FAM234A: variants seen among roughly 807,000 people sequenced by gnomAD.
FAM234A encodes the protein family with sequence similarity 234 member A.
In FAM234A, 42 loss-of-function variants were observed where a neutral mutation model predicts 49.1. The observed-to-expected ratio is 0.86, with a 90% CI of 0.67 to 1.11. The LOEUF is 1.11. FAM234A is among the 50% of genes least tolerant of loss of function. The pLI is 0.00. For missense variants in FAM234A, 815 were observed against 745.2 expected (o/e 1.09, Z -1.09); for synonymous variants, 369 against 316.2 (o/e 1.17, Z -1.77).
intron 2 of FAM234A, among the ~76,000 whole-genome samples, chr16:251,634 C>T (rs972876647): frequency 2.0e-5 from 3 of 150,184 alleles, no homozygotes; most frequent in Admixed American, 1.3e-4. Flanking sequence ...CACTCGGACT[C>T]CCAGAGTGCT....
intron 1 of FAM234A, among the ~76,000 whole-genome samples, chr16:241,154 C>G (rs892664858): frequency 6.6e-6 from 1 of 151,892 alleles, no homozygotes; most frequent in Non-Finnish European, 1.5e-5. Flanking sequence ...CTCCTGCGCT[C>G]GAGTGATCTT....
At chr16:264,318 G>A (rs2051606274) in intron 11 of FAM234A, 147 bp downstream of exon 11, 2 of 923,210 alleles carry the variant, frequency 2.2e-6, no homozygotes, top group South Asian at 1.7e-5. Context: ...ATGAGGTGGT[G>A]CAAGCTGAGG....
chr16:268,968 G>T, downstream of FAM234A: 1 of 1,545,946 alleles, frequency 6.5e-7, no homozygotes, highest in Non-Finnish European at 8.8e-7. Flanking sequence ...ACCAGAGAAG[G>T]TGGAGCTCCC....
In FAM234A at chr16:254,611, C is replaced by T. The variant is rs1257956335; in HGVS notation, c.198C>T (p.Val66=). 6.2e-7 allele frequency: 1 copy of T among 1,608,870 alleles called. No individual in the cohort carries two copies. Among genetic ancestry groups the T allele is most frequent in the Non-Finnish European group, 8.5e-7 (1 of 1,177,640 alleles). ...TCTGCCTTTTTGTGGTGTTCGTCGT[C>T]TCATTCGTCATCCCGTGTCCAGACC... ...LFLCLFVVFV[V]SFVIPCPDRP... Residue 66 remains valine, a synonymous_variant, in exon 3 of 13, where the codon GTC becomes GTT. Coordinates refer to ENST00000399932, the MANE Select transcript of FAM234A (RefSeq NM_032039.4).
Position 241,424 on chromosome 16 carries a change from A to C in FAM234A, c.-140+6567A>C, listed in dbSNP as rs543817695. Among the ~76,000 whole-genome samples, 23 of 152,152 alleles carry C rather than the reference A, an allele frequency of 1.5e-4. 1 individual carries two copies. Among genetic ancestry groups the C allele is most frequent in the Admixed American group, 1.4e-3 (22 of 15,254 alleles). On this transcript the variant is annotated intron_variant, in intron 1 of 12. Transcript: ENST00000399932. Reference sequence around the variant, plus strand: ...TAGTGAGGCTCTCATTTCTACAAAAAATTTAAAGATTAGCTGAACAAAAAT... The same window carrying C: ...TAGTGAGGCTCTCATTTCTACAAAACATTTAAAGATTAGCTGAACAAAAAT...
At chr16:243,992 G>A (rs547605033) in intron 1 of FAM234A, among the ~76,000 whole-genome samples, 89 of 149,376 alleles carry the variant, frequency 6.0e-4, no homozygotes, top group Middle Eastern at 6.8e-3. Context: ...TTTTTGAGTC[G>A]GAGTCTTGCT....
In FAM234A at chr16:262,532, C is replaced by A; in HGVS notation, c.950C>A (p.Thr317Asn). The A allele has an allele frequency of 6.2e-7, 1 of 1,608,138 alleles. No individual in the cohort carries two copies. The highest frequency in any genetic ancestry group is 8.5e-7 in the Non-Finnish European group (1 of 1,177,500). Residue 317 changes from threonine (T) to asparagine (N), a missense_variant, in exon 8 of 13, where the codon ACC becomes AAC. Transcript: ENST00000399932. The part of the protein sequence containing the change: ...PHWESMLNAT[T>N]RRMLSHSSGA... Reference sequence around the variant, plus strand: ...TGGGAGAGCATGCTCAATGCCACCACCCGCAGGATGCTTTCCCACAGGTGG... The same window carrying A: ...TGGGAGAGCATGCTCAATGCCACCAACCGCAGGATGCTTTCCCACAGGTGG...
intron 1 of FAM234A, among the ~76,000 whole-genome samples, chr16:241,671 A>C (rs186778651): frequency 0.012 from 1,882 of 152,086 alleles, 113 homozygotes; most frequent in East Asian, 0.094. Flanking sequence ...TAATCCCAGC[A>C]CTTTGGGAGG....
intron 3 of FAM234A, among the ~76,000 whole-genome samples, chr16:258,509 G>T (rs910383248): frequency 6.7e-6 from 1 of 148,806 alleles, no homozygotes; most frequent in East Asian, 2.0e-4. Flanking sequence ...GGCAGAAGAA[G>T]TTTTCTTAGT....
At chr16:236,989 A>G (rs1373574554) in intron 1 of FAM234A, among the ~76,000 whole-genome samples, 1 of 151,920 alleles carries the variant, frequency 6.6e-6, no homozygotes, top group Non-Finnish European at 1.5e-5. Flanking sequence ...CCTGTGCCCA[A>G]GCAACCCTCC....
At chr16:268,724 G>T, downstream of FAM234A, 2 of 1,528,904 alleles carry the variant, frequency 1.3e-6, no homozygotes, top group African/African-American at 1.4e-5. Context: ...GCTCCGGAAG[G>T]CAGTGACCTC....
intron 2 of FAM234A, among the ~76,000 whole-genome samples, chr16:253,596 T>A (rs929280883): frequency 5.3e-5 from 8 of 152,148 alleles, no homozygotes; most frequent in African/African-American, 1.7e-4. Flanking sequence ...AGCCTCAGCC[T>A]CCCAAGTAGC....
intron 3 of FAM234A, among the ~76,000 whole-genome samples, chr16:259,010 T>C (rs2051350501): frequency 1.3e-5 from 2 of 152,192 alleles, no homozygotes; most frequent in Admixed American, 1.3e-4. Flanking sequence ...CTCAATCTCT[T>C]GACCTCGTTA....
chr16:269,464 G>A, downstream of FAM234A: 1 of 1,606,368 alleles, frequency 6.2e-7, no homozygotes, highest in Non-Finnish European at 8.5e-7. Context: ...GCAGCCCCCA[G>A]GCCACAGCCG....
downstream of FAM234A, among the ~76,000 whole-genome samples, chr16:267,919 C>T (rs755859163): frequency 6.8e-6 from 1 of 147,536 alleles, no homozygotes; most frequent in African/African-American, 2.5e-5. Context: ...TCACAGTACA[C>T]CTGCACACGT....
chr16:258,243 G>C (rs1485181372), intron 3 of FAM234A, among the ~76,000 whole-genome samples: 20 of 152,082 alleles, frequency 1.3e-4, no homozygotes, highest in Middle Eastern at 3.4e-3. Context: ...TGGACGGAAG[G>C]TCAGCAGATA....
chr16:247,191 C>CGTG (rs1567212112), intron 1 of FAM234A: 1 of 151,936 alleles, frequency 6.6e-6, no homozygotes, highest in African/African-American at 2.4e-5. Context: ...AGGGCAGTGG[C>CGTG]GTGATCACCA....
At chr16:259,725 A>C (rs1361724307) in intron 4 of FAM234A, 126 bp downstream of exon 4, 1 of 755,336 alleles carries the variant, frequency 1.3e-6, no homozygotes, top group Non-Finnish European at 2.3e-6. Context: ...CCATCTCGTC[A>C]TCCTTCCTGG....
chr16:245,256 A>G (rs1223079564), intron 1 of FAM234A, among the ~76,000 whole-genome samples: 3 of 152,088 alleles, frequency 2.0e-5, no homozygotes, highest in Non-Finnish European at 4.4e-5. Flanking sequence ...CTGAGGTGGG[A>G]GAATCTCTCG....
Sources: gnomAD v4.1 joint callset for allele counts (sites outside exome capture counted in the v4.1 genomes callset) on GRCh38, gnomAD v4.1.1 for gene constraint, MANE v1.5 for transcripts, NCBI Gene and HGNC (gene_info 2026-07-23, HGNC 2026-07-21) for gene names.